Variants in PIGL observed in about 807,000 individuals in gnomAD.
PIGL encodes N-acetylglucosaminyl-phosphatidylinositol de-N-acetylase.
Under a neutral mutation model 31.1 loss-of-function variants are expected in PIGL, and 22 were observed. That is an observed-to-expected ratio of 0.71 (90% CI 0.51 to 1.01). The LOEUF (loss-of-function observed/expected upper bound fraction) is 1.01. Among genes scored for constraint, PIGL ranks in the 50% least tolerant of loss-of-function variants. The pLI is 0.00. For synonymous variants in PIGL, 131 were observed against 117.4 expected (o/e 1.12, Z -0.75); for missense variants, 302 against 315.9 (o/e 0.96, Z 0.33).
intron 2 of PIGL, among the ~76,000 whole-genome samples, chr17:16,260,356 C>T (rs531314006): frequency 6.6e-6 from 1 of 152,324 alleles, no homozygotes; most frequent in Admixed American, 6.5e-5. Context: ...TTTTCTGGAC[C>T]TGCCCATGGC....
Position 16,311,981 on chromosome 17 carries a change from C to T in PIGL, c.427-1566C>T, listed in dbSNP as rs536582431. On this transcript the variant is annotated intron_variant, in intron 3 of 6. Coordinates refer to ENST00000225609, the MANE Select transcript of PIGL (RefSeq NM_004278.4). ...CTCAATGAGCTGTTGGGTACACCTC[C>T]CAGACGGGGTGGTGGCCGGGCAGAG... Among the ~76,000 whole-genome samples, 8 of 152,236 alleles carry T rather than the reference C, an allele frequency of 5.3e-5. No homozygotes were observed. In the East Asian group the frequency reaches 1.5e-3, roughly 29 times the overall value.
chr17:16,222,216 A>T (rs1225318172), intron 1 of PIGL, among the ~76,000 whole-genome samples: 1 of 152,086 alleles, frequency 6.6e-6, no homozygotes, highest in Non-Finnish European at 1.5e-5. Flanking sequence ...CACAAAATGG[A>T]AAAAAGCATT....
chr17:16,229,481 CTTTTTT>C (rs71353784), intron 1 of PIGL, among the ~76,000 whole-genome samples: 8 of 114,218 alleles, frequency 7.0e-5, no homozygotes, highest in African/African-American at 1.7e-4. Flanking sequence ...ACCGGTTTTC[CTTTTTT>C]TTTTTTTTTT....
rs187275440 is a variant in PIGL at position 16,294,204 on chromosome 17, T to C, written c.336-5684T>C. On this transcript the variant is annotated intron_variant, in intron 2 of 6. Transcript: ENST00000225609. ...CATCAGGTGCATCCCAGAATTATTT[T>C]ATCTTTACTGATGATGCAGCTCCTG... Among the ~76,000 whole-genome samples, 762 of 152,240 alleles carry C rather than the reference T, an allele frequency of 5.0e-3. 6 individuals carry two copies. Among genetic ancestry groups the C allele is most frequent in the Non-Finnish European group, 8.5e-3 (581 of 68,016 alleles).
intron 2 of PIGL, among the ~76,000 whole-genome samples, chr17:16,267,636 AG>A (rs2092850363): frequency 1.3e-5 from 2 of 151,538 alleles, no homozygotes; most frequent in Non-Finnish European, 2.9e-5. Flanking sequence ...CCCAGACTGC[AG>A]TGGGCTATGA....
chr17:16,277,833 T>A (rs1198882079), intron 2 of PIGL, among the ~76,000 whole-genome samples: 1 of 152,168 alleles, frequency 6.6e-6, no homozygotes, highest in Non-Finnish European at 1.5e-5. Context: ...CATACAACAA[T>A]TTTTACATAA....
chr17:16,266,671 C>G (rs942393165), intron 2 of PIGL, among the ~76,000 whole-genome samples: 8 of 151,954 alleles, frequency 5.3e-5, no homozygotes, highest in African/African-American at 1.9e-4. Context: ...TCTCGGCTCA[C>G]TGCAAGCTCC....
intron 1 of PIGL, among the ~76,000 whole-genome samples, chr17:16,222,091 T>C (rs1166884239): frequency 1.3e-5 from 2 of 152,112 alleles, no homozygotes; most frequent in African/African-American, 2.4e-5. Context: ...CATTCAAACG[T>C]GTGGATTAAA....
chr17:16,229,858 A>ATTTTTTTT (rs71150280), intron 1 of PIGL, among the ~76,000 whole-genome samples: 58 of 97,690 alleles, frequency 5.9e-4, no homozygotes, highest in African/African-American at 8.5e-4. Flanking sequence ...TAAAGTCATG[A>ATTTTTTTT]TTTTTTTTTT....
chr17:16,227,078 A>G (rs952859436), intron 1 of PIGL, among the ~76,000 whole-genome samples: 3 of 151,854 alleles, frequency 2.0e-5, no homozygotes, highest in African/African-American at 7.3e-5. Context: ...AGAACTTATT[A>G]GGGGTTATTT....
rs2093078812 is a variant in PIGL, at chr17:16,316,718, G to A, written c.526+6G>A. 1 of 1,610,052 alleles carries A rather than the reference G, an allele frequency of 6.2e-7. No individual in the cohort carries two copies. The highest frequency in any genetic ancestry group is 8.5e-7 in the Non-Finnish European group (1 of 1,176,628). ...AGAAGGGAAGTTACCTAAAGGTAAG[G>A]CTTGTTCCTTTTGCAAAGGGCCACA... On this transcript the variant is annotated splice_donor_region_variant and intron_variant, in intron 5 of 6. Coordinates refer to ENST00000225609, the MANE Select transcript of PIGL (RefSeq NM_004278.4).
intron 1 of PIGL, among the ~76,000 whole-genome samples, chr17:16,220,013 T>C (rs560172470): frequency 6.6e-6 from 1 of 152,188 alleles, no homozygotes; most frequent in East Asian, 1.9e-4. Context: ...TTATTTTCAA[T>C]AGGTTCATAA....
chr17:16,311,426 A>T (rs1490035175), intron 3 of PIGL, among the ~76,000 whole-genome samples: 3 of 129,850 alleles, frequency 2.3e-5, no homozygotes, highest in African/African-American at 5.8e-5. Flanking sequence ...AAAGCCACAA[A>T]CCCAATAAGT....
chr17:16,318,772 G>A (rs547788709), intron 6 of PIGL, among the ~76,000 whole-genome samples: 133 of 151,312 alleles, frequency 8.8e-4, no homozygotes, highest in African/African-American at 3.0e-3. Context: ...CTCTACTAAA[G>A]CTACAAAAAT....
At chr17:16,253,534 A>T (rs1356313140) in intron 2 of PIGL, among the ~76,000 whole-genome samples, 1 of 152,196 alleles carries the variant, frequency 6.6e-6, no homozygotes, top group African/African-American at 2.4e-5. Flanking sequence ...AAGATTTTTT[A>T]AAACTTTTTA....
At chr17:16,221,809 C>G (rs1167500990) in intron 1 of PIGL, among the ~76,000 whole-genome samples, 1 of 152,098 alleles carries the variant, frequency 6.6e-6, no homozygotes, top group African/African-American at 2.4e-5. Flanking sequence ...TTAGTAGAGA[C>G]AGGGTTTCAC....
chr17:16,269,476 C>T (rs1358750882), intron 2 of PIGL, among the ~76,000 whole-genome samples: 1 of 151,894 alleles, frequency 6.6e-6, no homozygotes, highest in South Asian at 2.1e-4. Flanking sequence ...GGTGAAACCC[C>T]GTCTCTACTA....
chr17:16,219,623 A>G (rs1017186779), intron 1 of PIGL, among the ~76,000 whole-genome samples: 2 of 151,916 alleles, frequency 1.3e-5, no homozygotes, highest in African/African-American at 4.8e-5. Context: ...GCTGGAGTGC[A>G]GGGGCGCAAT....
intron 2 of PIGL, among the ~76,000 whole-genome samples, chr17:16,245,078 C>T (rs1249836741): frequency 6.6e-6 from 1 of 151,898 alleles, no homozygotes; most frequent in Non-Finnish European, 1.5e-5. Context: ...CTGCAACCTC[C>T]ACCTCCTGGA....
Sources: gnomAD v4.1 joint callset for allele counts (sites outside exome capture counted in the v4.1 genomes callset) on GRCh38, gnomAD v4.1.1 for gene constraint, MANE v1.5 for transcripts, NCBI Gene and HGNC (gene_info 2026-07-23, HGNC 2026-07-21) for gene names.